The following OCIAD1 variants were observed in gnomAD, a reference collection of about 807,000 sequenced individuals.
OCIAD1 encodes OCIA domain containing 1, also known as OCIA domain-containing protein 1.
OCIAD1 carries 29 observed loss-of-function variants against 38.9 expected under a neutral mutation model. That is an observed-to-expected ratio of 0.74 (90% CI 0.55 to 1.02). OCIAD1 has a LOEUF of 1.02. Among genes scored for constraint, OCIAD1 ranks in the 50% least tolerant of loss-of-function variants. OCIAD1 has a pLI of 0.00. For synonymous variants in OCIAD1, 110 were observed against 92.0 expected, an observed-to-expected ratio of 1.20 and a Z score of -1.12; for missense variants, 288 against 289.6, an observed-to-expected ratio of 0.99 and a Z score of 0.04.
chr4:48,812,565 TTGAC>T (rs948851868), intron 1 of OCIAD1, among the ~76,000 whole-genome samples: 3 of 152,010 alleles, frequency 2.0e-5, no homozygotes, highest in African/African-American at 7.2e-5. Context: ...AAAGGAGTGA[TTGAC>T]TGTCAAACGC....
chr4:48,818,613 A>G (rs1425495401), intron 1 of OCIAD1, among the ~76,000 whole-genome samples: 1 of 152,210 alleles, frequency 6.6e-6, no homozygotes, highest in Non-Finnish European at 1.5e-5. Context: ...AAGATGGGTA[A>G]TAACAAACTC....
At chr4:48,827,216 T>C (rs761131125), upstream of OCIAD1, among the ~76,000 whole-genome samples, 36 of 152,242 alleles carry the variant, frequency 2.4e-4, no homozygotes, top group Non-Finnish European at 4.4e-4. Flanking sequence ...ATAAATCTTT[T>C]ATTGACACTG....
At chr4:48,858,601 A>G (rs1204110862) in intron 8 of OCIAD1, among the ~76,000 whole-genome samples, 1 of 152,070 alleles carries the variant, frequency 6.6e-6, no homozygotes, top group Non-Finnish European at 1.5e-5. Context: ...CTACAGTTGT[A>G]TGCCACCATC....
chr4:48,811,323 C>T (rs931972445), intron 1 of OCIAD1, among the ~76,000 whole-genome samples: 1 of 152,208 alleles, frequency 6.6e-6, no homozygotes, highest in Non-Finnish European at 1.5e-5. Flanking sequence ...GATAGCCACT[C>T]CTTTGCTCAG....
chr4:48,852,162 G>A (rs1779542398), intron 7 of OCIAD1, 187 bp downstream of exon 7: 3 of 510,922 alleles, frequency 5.9e-6, no homozygotes, highest in African/African-American at 2.0e-5. Flanking sequence ...TAGGTGTCAA[G>A]GACTCTGCTA....
At chr4:48,824,596 A>C (rs1031059093) in intron 1 of OCIAD1, among the ~76,000 whole-genome samples, 7 of 151,970 alleles carry the variant, frequency 4.6e-5, no homozygotes, top group African/African-American at 1.7e-4. Context: ...TATGTTGCCC[A>C]GGCTGGTCTC....
At chr4:48,816,526 C>T (rs966896324) in intron 1 of OCIAD1, among the ~76,000 whole-genome samples, 6 of 143,732 alleles carry the variant, frequency 4.2e-5, no homozygotes, top group Admixed American at 3.4e-4. Flanking sequence ...AGCAAGAGTC[C>T]GTCTAAAAGG....
chr4:48,847,230 A>G (rs1779052594), intron 4 of OCIAD1, among the ~76,000 whole-genome samples: 1 of 152,112 alleles, frequency 6.6e-6, no homozygotes, highest in Non-Finnish European at 1.5e-5. Context: ...TTTATACTTC[A>G]TTTCAGCATA....
chr4:48,811,104 A>G (rs1441446962), intron 1 of OCIAD1, among the ~76,000 whole-genome samples: 1 of 151,598 alleles, frequency 6.6e-6, no homozygotes, highest in East Asian at 1.9e-4. Flanking sequence ...CCATCCATCC[A>G]CCTTGGACTC....
chr4:48,812,280 C>T (rs1319294068), intron 1 of OCIAD1, among the ~76,000 whole-genome samples: 1 of 9,848 alleles, frequency 1.0e-4, no homozygotes, highest in Non-Finnish European at 1.5e-4. Flanking sequence ...GAGAGTTGGT[C>T]TCAAAAAAAA....
chr4:48,850,386 A>T (rs1779332908), intron 6 of OCIAD1, among the ~76,000 whole-genome samples: 1 of 152,078 alleles, frequency 6.6e-6, no homozygotes, highest in Non-Finnish European at 1.5e-5. Flanking sequence ...AAGCTCTCTG[A>T]GTAGCTAGGA....
chr4:48,846,371 C>T (rs1311332526), intron 4 of OCIAD1, among the ~76,000 whole-genome samples: 1 of 152,164 alleles, frequency 6.6e-6, no homozygotes, highest in Non-Finnish European at 1.5e-5. Context: ...GAGATTCATC[C>T]AGTAGCATGC....
chr4:48,859,567 T>C (rs1298393009), intron 8 of OCIAD1, among the ~76,000 whole-genome samples: 1 of 152,204 alleles, frequency 6.6e-6, no homozygotes, highest in East Asian at 1.9e-4. Flanking sequence ...TTGACATTTT[T>C]GATTTTTGAC....
rs576081813 is a variant in OCIAD1 at position 48,819,716 on chromosome 4, C to CA, written c.-102-10833dup. On this transcript the variant is annotated intron_variant, in intron 1 of 6. Transcript: ENST00000504654. ...GAGACGGAGGAATATTTACCAAGCG[C>CA]AAAAAAAAAAAAAAAAAAAAAAAAA... 8.9e-3 allele frequency among the ~76,000 whole-genome samples: 93 copies of CA among 10,448 alleles called. 24 individuals carry two copies. The highest frequency in any genetic ancestry group is 0.05 in the Middle Eastern group (1 of 20). The allele number at this position is 10,448 out of a possible 152,430, so 6.9% of individuals were successfully genotyped here. A position where few individuals can be genotyped will look rare whatever the true frequency, so the allele number is the denominator to read the frequency against.
At chr4:48,816,309 C>T (rs546496013) in intron 1 of OCIAD1, among the ~76,000 whole-genome samples, 28 of 152,288 alleles carry the variant, frequency 1.8e-4, no homozygotes, top group African/African-American at 6.0e-4. Flanking sequence ...CTATATAGCG[C>T]TTAGTTGATA....
intron 1 of OCIAD1, among the ~76,000 whole-genome samples, chr4:48,810,867 G>A (rs1221695622): frequency 4.0e-5 from 6 of 149,296 alleles, no homozygotes; most frequent in Non-Finnish European, 8.9e-5. Flanking sequence ...GAGAGGAGTT[G>A]CAATTTTCTT....
intron 1 of OCIAD1, among the ~76,000 whole-genome samples, chr4:48,811,030 T>C (rs1777084668): frequency 6.6e-6 from 1 of 152,004 alleles, no homozygotes; most frequent in Admixed American, 6.6e-5. Flanking sequence ...TAATTTTTTG[T>C]GTTTTTAATA....
intron 1 of OCIAD1, among the ~76,000 whole-genome samples, chr4:48,818,609 G>T (rs1162614377): frequency 8.5e-5 from 13 of 152,066 alleles, no homozygotes; most frequent in Non-Finnish European, 1.9e-4. Context: ...TCAGAAGATG[G>T]GTAATAACAA....
intron 1 of OCIAD1, among the ~76,000 whole-genome samples, chr4:48,819,996 A>G (rs1212724647): frequency 2.0e-5 from 3 of 152,172 alleles, no homozygotes; most frequent in Non-Finnish European, 4.4e-5. Flanking sequence ...GATCAATGAG[A>G]CAGATAATTA....
Sources: allele counts gnomAD v4.1 joint callset (sites outside exome capture counted in the v4.1 genomes callset), GRCh38; gene constraint gnomAD v4.1.1; transcripts MANE v1.5; gene names NCBI Gene and HGNC (gene_info 2026-07-23, HGNC 2026-07-21).